IKZF2: variants seen among roughly 807,000 people sequenced by gnomAD.
IKZF2 encodes IKAROS family zinc finger 2, also known as zinc finger protein Helios.
IKZF2 carries 15 observed loss-of-function variants against 49.2 expected under a neutral mutation model. The observed-to-expected ratio is 0.30, with a 90% CI of 0.20 to 0.47. IKZF2 has a LOEUF of 0.47. IKZF2 is among the 20% of genes least tolerant of loss of function. The pLI is 1.00. For synonymous variants in IKZF2, 227 were observed against 221.4 expected (o/e 1.03, Z -0.23); for missense variants, 567 against 664.6 (o/e 0.85, Z 1.61).
At chr2:213,064,539 G>GT (rs929514571) in intron 4 of IKZF2, among the ~76,000 whole-genome samples, 70 of 152,124 alleles carry the variant, frequency 4.6e-4, no homozygotes, top group African/African-American at 1.6e-3. Flanking sequence ...AGCTAACACA[G>GT]TAGCACCATT....
At chr2:213,145,201 AT>A (rs1559331352) in intron 4 of IKZF2, among the ~76,000 whole-genome samples, 1 of 150,394 alleles carries the variant, frequency 6.6e-6, no homozygotes, top group Admixed American at 6.6e-5. Flanking sequence ...TACTTATTTT[AT>A]TTTTTTAACT....
At position 213,013,665 on chromosome 2, in the gene IKZF2, T is replaced by C. The variant is rs112251951; in HGVS notation, c.856+126A>G. On this transcript the variant is annotated intron_variant, in intron 8 of 8. Coordinates refer to ENST00000434687, the MANE Select transcript of IKZF2 (RefSeq NM_001387220.1). ...AATGTCAGAGAGTAAAAAAGAATAATGAAGAAAAGAGATGGGTATTTATTT... is the reference window on the plus strand; with the variant it reads ...AATGTCAGAGAGTAAAAAAGAATAACGAAGAAAAGAGATGGGTATTTATTT... The C allele has an allele frequency of 6.8e-5, 56 of 823,084 alleles. 1 individual carries two copies. In the African/African-American group the frequency reaches 9.1e-4, roughly 13 times the overall value. 51.0% of individuals were successfully genotyped at this position (823,084 alleles called of 1,614,324 possible). A position where few individuals can be genotyped will look rare whatever the true frequency, so the allele number is the denominator to read the frequency against.
At chr2:213,081,765 A>T (rs1395554011) in intron 4 of IKZF2, among the ~76,000 whole-genome samples, 2 of 152,176 alleles carry the variant, frequency 1.3e-5, no homozygotes, top group Non-Finnish European at 2.9e-5. Context: ...CTGAGAGCAA[A>T]CCATAAAATC....
intron 4 of IKZF2, among the ~76,000 whole-genome samples, chr2:213,075,089 A>G (rs1703111850): frequency 6.6e-6 from 1 of 152,156 alleles, no homozygotes; most frequent in African/African-American, 2.4e-5. Flanking sequence ...GAAATGCTGA[A>G]GTCTATACTA....
chr2:213,028,670 C>A (rs1321406108), intron 6 of IKZF2, among the ~76,000 whole-genome samples: 2 of 152,076 alleles, frequency 1.3e-5, no homozygotes, highest in Non-Finnish European at 2.9e-5. Context: ...TCCAACTGTT[C>A]ATTCCTAGCA....
chr2:213,115,948 T>TA (rs2059856805), intron 4 of IKZF2, among the ~76,000 whole-genome samples: 1 of 152,138 alleles, frequency 6.6e-6, no homozygotes, highest in African/African-American at 2.4e-5. Flanking sequence ...CAGAGCTTTC[T>TA]TATTTTGTGT....
At chr2:213,124,255 CACACA>C (rs2060172848) in intron 4 of IKZF2, among the ~76,000 whole-genome samples, 3 of 24,018 alleles carry the variant, frequency 1.2e-4, no homozygotes, top group African/African-American at 8.0e-4. Context: ...CGCGCGCGCA[CACACA>C]CACACACACA....
At chr2:213,041,165 A>G (rs1184283694) in intron 6 of IKZF2, among the ~76,000 whole-genome samples, 5 of 152,170 alleles carry the variant, frequency 3.3e-5, no homozygotes, top group Admixed American at 2.0e-4. Context: ...GTTCACATGA[A>G]GCAAAGTAGA....
rs1337003193 is a variant in IKZF2, at chr2:213,013,843, C to T, written c.804G>A (p.Lys268=). Residue 268 remains lysine, a synonymous_variant, in exon 8 of 9, where the codon AAG becomes AAA. Transcript: ENST00000434687. The part of the protein sequence containing the change: ...VPFERPAVIE[K]LTGNMGKRKS... The stretch of plus-strand genomic sequence containing the variant: ...TACGTTTTCCCATATTCCCCGTGAG[C>T]TTCTCTATGACAGCAGGTCTCTCAA... 1 of 1,611,992 alleles carries T rather than the reference C, an allele frequency of 6.2e-7. No individual in the cohort carries two copies. Among genetic ancestry groups the T allele is most frequent in the East Asian group, 2.2e-5 (1 of 44,830 alleles).
chr2:213,089,462 T>G (rs1302054672), intron 4 of IKZF2, among the ~76,000 whole-genome samples: 2 of 152,142 alleles, frequency 1.3e-5, no homozygotes, highest in African/African-American at 4.8e-5. Context: ...ATGAAATATA[T>G]GATCACCCCA....
At chr2:213,053,246 T>C (rs751901031) in intron 5 of IKZF2, among the ~76,000 whole-genome samples, 5 of 152,154 alleles carry the variant, frequency 3.3e-5, no homozygotes, top group Non-Finnish European at 7.4e-5. Context: ...AATTAAGATA[T>C]GGTCATGTGT....
intron 5 of IKZF2, among the ~76,000 whole-genome samples, chr2:213,052,143 T>G (rs1206556466): frequency 6.6e-6 from 1 of 152,046 alleles, no homozygotes; most frequent in African/African-American, 2.4e-5. Context: ...ATACTCTAGA[T>G]ATCTTCAAAT....
rs1007921131 is a variant in IKZF2 at position 213,000,346 on chromosome 2, AT to A, written c.*7013del. The A allele has an allele frequency of 5.4e-5, 8 of 148,294 alleles. No homozygotes were observed. Among genetic ancestry groups the A allele is most frequent in the South Asian group, 2.1e-4 (1 of 4,732 alleles). 9.2% of individuals were successfully genotyped at this position (148,294 alleles called of 1,614,324 possible). On this transcript the variant is annotated 3_prime_UTR_variant, in exon 9 of 9. Coordinates refer to ENST00000434687, the MANE Select transcript of IKZF2 (RefSeq NM_001387220.1). ...AAAATGAGGTTTACTGGTTTGACCT[AT>A]TTTTTTTTCTTTTTTTGCTTCTAAA...
intron 8 of IKZF2, 73 bp from the exon 9 acceptor site, chr2:213,008,157 T>A: frequency 6.9e-7 from 1 of 1,448,798 alleles, no homozygotes; most frequent in Non-Finnish European, 9.2e-7. Flanking sequence ...AGATTAAAAA[T>A]ATGAAAGGGT....
Position 213,006,210 on chromosome 2 carries a change from G to C in IKZF2, c.*1150C>G, listed in dbSNP as rs1695332248. The C allele has an allele frequency of 2.6e-5, 4 of 152,172 alleles. No individual in the cohort carries two copies. The allele number at this position is 152,172 out of a possible 1,614,324, so 9.4% of individuals were successfully genotyped here. ...CTCTGAGGAGATTTTGAAAGAAACA[G>C]CCGACAGGAAGACTTTTAAGACCTT... On this transcript the variant is annotated 3_prime_UTR_variant, in exon 9 of 9. Coordinates refer to ENST00000434687, the MANE Select transcript of IKZF2 (RefSeq NM_001387220.1).
intron 4 of IKZF2, among the ~76,000 whole-genome samples, chr2:213,120,090 T>C (rs561773077): frequency 6.6e-6 from 1 of 152,306 alleles, no homozygotes; most frequent in African/African-American, 2.4e-5. Flanking sequence ...TCACTCTCCT[T>C]TTAGTCATTT....
At chr2:213,069,723 C>A (rs1000457112) in intron 4 of IKZF2, among the ~76,000 whole-genome samples, 1 of 152,072 alleles carries the variant, frequency 6.6e-6, no homozygotes, top group Admixed American at 6.6e-5. Flanking sequence ...TCTCCTGTTC[C>A]ATTACTACAC....
intron 2 of IKZF2, among the ~76,000 whole-genome samples, chr2:213,149,650 C>T (rs897977694): frequency 6.6e-6 from 1 of 152,036 alleles, no homozygotes; most frequent in Admixed American, 6.6e-5. Context: ...TATTGATCGC[C>T]AAGTATATTT....
At chr2:213,114,432 A>C (rs1024322197) in intron 4 of IKZF2, among the ~76,000 whole-genome samples, 10 of 152,304 alleles carry the variant, frequency 6.6e-5, no homozygotes, top group Admixed American at 5.2e-4. Context: ...GATGGACTTG[A>C]GAAATGGAAT....
Sources: allele counts gnomAD v4.1 joint callset (sites outside exome capture counted in the v4.1 genomes callset), GRCh38; gene constraint gnomAD v4.1.1; transcripts MANE v1.5; gene names NCBI Gene and HGNC (gene_info 2026-07-23, HGNC 2026-07-21).